ADGRB1: variants seen among roughly 807,000 people sequenced by gnomAD.
ADGRB1 encodes the protein brain-specific angiogenesis inhibitor 1.
ADGRB1 carries 36 observed loss-of-function variants against 175.7 expected under a neutral mutation model. The ratio of observed to expected loss-of-function variants is 0.20; its 90% CI spans 0.16 to 0.27. The LOEUF is 0.27. Ranked by LOEUF, ADGRB1 falls within the 10% of genes least tolerant of loss-of-function variation. The pLI is 1.00. For synonymous variants in ADGRB1, 1,054 were observed against 979.4 expected (o/e 1.08, Z -1.42); for missense variants, 1,731 against 2,255.3 (o/e 0.77, Z 4.71).
chr8:142,496,067 T>C (rs1198408399), intron 17 of ADGRB1, among the ~76,000 whole-genome samples: 9 of 147,754 alleles, frequency 6.1e-5, no homozygotes, highest in Non-Finnish European at 1.0e-4. Context: ...ACTGGATGTG[T>C]GGATAGAGGT....
In ADGRB1 at chr8:142,484,775, C is replaced by T. The variant is rs1184104642; in HGVS notation, c.2308+11C>T. 9 of 1,566,450 alleles carry T rather than the reference C, an allele frequency of 5.7e-6. No individual in the cohort carries two copies. Among genetic ancestry groups the T allele is most frequent in the Middle Eastern group, 1.7e-4 (1 of 5,992 alleles). On this transcript the variant is annotated intron_variant, in intron 13 of 30. Transcript: ENST00000517894. Reference sequence around the variant, plus strand: ...TGACAGACAACCTGGGTAAGCCTGCCCGCCTGCTGCCACCCCCCATGCCTT... The same window carrying T: ...TGACAGACAACCTGGGTAAGCCTGCTCGCCTGCTGCCACCCCCCATGCCTT...
intron 1 of ADGRB1, among the ~76,000 whole-genome samples, chr8:142,458,561 G>C (rs559509069): frequency 6.6e-6 from 1 of 152,214 alleles, no homozygotes; most frequent in South Asian, 2.1e-4. Context: ...TCTGCTTCCC[G>C]GCCCAGCGTG....
At position 142,477,368 on chromosome 8, in the gene ADGRB1, C is replaced by T. The variant is rs1441774734; in HGVS notation, c.1223-17C>T. On this transcript the variant is annotated splice_polypyrimidine_tract_variant and intron_variant, in intron 5 of 30. Transcript: ENST00000517894. ...CGGTGGCCGCAGTGGGCAGCAGCAC[C>T]TTCCGTCCCTCTGCAGTGCATGGTG... 27 of 1,577,186 alleles carry T rather than the reference C, an allele frequency of 1.7e-5. No individual in the cohort carries two copies. The highest frequency in any genetic ancestry group is 1.9e-5 in the Non-Finnish European group (22 of 1,164,938).
chr8:142,452,086 C>G (rs1018219356), intron 1 of ADGRB1, among the ~76,000 whole-genome samples: 1 of 152,198 alleles, frequency 6.6e-6, no homozygotes, highest in Non-Finnish European at 1.5e-5. Flanking sequence ...CGCCCGGTCC[C>G]CGGAGGCGGA....
chr8:142,487,628 A>G (rs552796218), intron 13 of ADGRB1, among the ~76,000 whole-genome samples: 6 of 152,268 alleles, frequency 3.9e-5, no homozygotes, highest in Non-Finnish European at 7.4e-5. Context: ...CCCCCAGAAC[A>G]GTGGGTCCCT....
In ADGRB1 at chr8:142,544,484, GACGGGCACAGACA is replaced by G; in HGVS notation, c.*68_*80del. On this transcript the variant is annotated 3_prime_UTR_variant, in exon 31 of 31. Transcript: ENST00000517894. Reference sequence around the variant, plus strand: ...TGCTGCTCCGCCCGCTCCTGCCGCAGACGGGCACAGACACGCTCGCGGGCAGCGGGCCAGGCCC... The same window carrying G: ...TGCTGCTCCGCCCGCTCCTGCCGCAGCGCTCGCGGGCAGCGGGCCAGGCCC... 1 of 1,405,078 alleles carries G rather than the reference GACGGGCACAGACA, an allele frequency of 7.1e-7. No homozygotes were observed. Among genetic ancestry groups the G allele is most frequent in the Non-Finnish European group, 9.2e-7 (1 of 1,081,950 alleles). The allele number at this position is 1,405,078 out of a possible 1,614,324, so 87.0% of individuals were successfully genotyped here.
intron 25 of ADGRB1, among the ~76,000 whole-genome samples, chr8:142,535,200 G>A (rs770561078): frequency 5.3e-5 from 8 of 152,204 alleles, no homozygotes; most frequent in East Asian, 1.9e-4. Context: ...CCAACTGACC[G>A]GTGACGGGAG....
chr8:142,526,417 C>G (rs749391432), intron 23 of ADGRB1, 125 bp from the exon 24 acceptor site: 8 of 833,766 alleles, frequency 9.6e-6, no homozygotes, highest in Non-Finnish European at 1.6e-5. Flanking sequence ...GATGGAGGCA[C>G]GGGAGGTGAC....
intron 13 of ADGRB1, among the ~76,000 whole-genome samples, chr8:142,485,022 C>A (rs1587316571): frequency 6.6e-6 from 1 of 152,238 alleles, no homozygotes; most frequent in Non-Finnish European, 1.5e-5. Flanking sequence ...ATGTACCCAC[C>A]TGGGGCCAGA....
Position 142,511,095 on chromosome 8 carries a change from C to A in ADGRB1, c.2817+22C>A. 9.2e-7 allele frequency: 1 copy of A among 1,089,044 alleles called. No individual in the cohort carries two copies. Among genetic ancestry groups the A allele is most frequent in the Non-Finnish European group, 1.1e-6 (1 of 897,318 alleles). 67.5% of individuals were successfully genotyped at this position (1,089,044 alleles called of 1,614,324 possible). ...CGCGGTGAGACCCCGGCCGGGCCGG[C>A]GGGAGGGGCGCCGGGCAGGGGCGCG... On this transcript the variant is annotated intron_variant, in intron 18 of 30. Coordinates refer to ENST00000517894, the MANE Select transcript of ADGRB1 (RefSeq NM_001702.3). This position sits in a 1 kb window ranked among gnomAD's most constrained non-coding sequence, Gnocchi z 4.5.
chr8:142,484,810 C>A (rs761951315), intron 13 of ADGRB1, 46 bp downstream of exon 13: 30 of 1,433,826 alleles, frequency 2.1e-5, no homozygotes, highest in Non-Finnish European at 2.7e-5. Flanking sequence ...TGCTTTGCAG[C>A]CCTGGGCCAG....
chr8:142,456,442 C>G (rs1021805556), intron 1 of ADGRB1, among the ~76,000 whole-genome samples: 1 of 152,080 alleles, frequency 6.6e-6, no homozygotes, highest in African/African-American at 2.4e-5. Flanking sequence ...CACTTCCTCA[C>G]CCCCCCGAAG....
chr8:142,487,936 C>T (rs1841765131), intron 13 of ADGRB1, among the ~76,000 whole-genome samples: 1 of 152,202 alleles, frequency 6.6e-6, no homozygotes, highest in African/African-American at 2.4e-5. Context: ...GATCAGCTCA[C>T]AGAGCTGGAG....
rs1462857476 is a variant in ADGRB1, at chr8:142,510,011, G to C, written c.2676-921G>C. Reference sequence around the variant, plus strand: ...GTGAAGGAGGGACACGGTGGCTTCCGGACAGGAGGGCTGCCTTGAAGGGTG... The same window carrying C: ...GTGAAGGAGGGACACGGTGGCTTCCCGACAGGAGGGCTGCCTTGAAGGGTG... On this transcript the variant is annotated intron_variant, in intron 17 of 30. Coordinates refer to ENST00000517894, the MANE Select transcript of ADGRB1 (RefSeq NM_001702.3). The surrounding 1 kb of genome is among the most constrained non-coding windows in gnomAD (Gnocchi z 6.3). 1.3e-5 allele frequency among the ~76,000 whole-genome samples: 2 copies of C among 152,140 alleles called. No individual in the cohort carries two copies. Among genetic ancestry groups the C allele is most frequent in the Non-Finnish European group, 2.9e-5 (2 of 68,026 alleles).
At chr8:142,481,130 A>G in intron 9 of ADGRB1, 124 bp from the exon 10 acceptor site, 1 of 839,702 alleles carries the variant, frequency 1.2e-6, no homozygotes, top group South Asian at 1.5e-5. Context: ...GCGTGAGGCC[A>G]TGGGCGAGTC....
At chr8:142,530,058 A>G (rs1268067088) in intron 24 of ADGRB1, among the ~76,000 whole-genome samples, 1 of 150,314 alleles carries the variant, frequency 6.7e-6, no homozygotes, top group South Asian at 2.2e-4. Flanking sequence ...AACCTGGTGT[A>G]TATACATGTG....
chr8:142,474,719 C>T lies in ADGRB1; in HGVS notation c.785-755C>T, dbSNP rs1042768571. On this transcript the variant is annotated intron_variant, in intron 2 of 30. Coordinates refer to ENST00000517894, the MANE Select transcript of ADGRB1 (RefSeq NM_001702.3). This position sits in a 1 kb window ranked among gnomAD's most constrained non-coding sequence, Gnocchi z 5.8. ...GGGGAACACAGGTCCATGAAGGCCGCGGGGACTGTCGGGGCAGGGATGGAG... is the reference window on the plus strand; with the variant it reads ...GGGGAACACAGGTCCATGAAGGCCGTGGGGACTGTCGGGGCAGGGATGGAG... Among the ~76,000 whole-genome samples, 3 of 152,082 alleles carry T rather than the reference C, an allele frequency of 2.0e-5. No individual in the cohort carries two copies. Among genetic ancestry groups the T allele is most frequent in the South Asian group, 2.1e-4 (1 of 4,824 alleles).
chr8:142,465,401 G>C (rs548520079), intron 2 of ADGRB1, among the ~76,000 whole-genome samples: 2 of 152,326 alleles, frequency 1.3e-5, no homozygotes, highest in South Asian at 4.1e-4. Context: ...AGGCTGCAGC[G>C]GCCTGGGGCT....
In ADGRB1 at chr8:142,479,372, G is replaced by A. The variant is rs376997727; in HGVS notation, c.1611G>A (p.Thr537=). Residue 537 remains threonine (T), a synonymous_variant, in exon 8 of 31, where the codon ACG becomes ACA. Coordinates refer to ENST00000517894, the MANE Select transcript of ADGRB1 (RefSeq NM_001702.3). ...CGTCATGGGGCAGTTGCAGCGTCAC[G>A]TGTGGGGCTGGCAGCCAGCGACGGG... is the stretch of plus-strand genomic sequence containing the variant. ...AWASWGSCSV[T]CGAGSQRRER... 1.7e-4 allele frequency: 254 copies of A among 1,535,730 alleles called. No individual in the cohort carries two copies. The highest frequency in any genetic ancestry group is 2.1e-4 in the Non-Finnish European group (237 of 1,144,790).
Sources: allele counts gnomAD v4.1 joint callset (sites outside exome capture counted in the v4.1 genomes callset), GRCh38; gene constraint gnomAD v4.1.1; non-coding constraint Gnocchi (gnomAD v3.1); transcripts MANE v1.5; gene names NCBI Gene and HGNC (gene_info 2026-07-23, HGNC 2026-07-21).